Variants in MTA3 observed in about 807,000 individuals in gnomAD.
MTA3 encodes the protein metastasis associated 1 family member 3.
MTA3 carries 34 observed loss-of-function variants against 83.5 expected under a neutral mutation model. That is an observed-to-expected ratio of 0.41 (90% CI 0.31 to 0.54). The LOEUF is 0.54. Ranked by LOEUF, MTA3 falls within the 20% of genes least tolerant of loss-of-function variation. MTA3 has a pLI of 0.33. For missense variants in MTA3, 761 were observed against 726.4 expected, an observed-to-expected ratio of 1.05 and a Z score of -0.55; for synonymous variants, 303 against 252.7, an observed-to-expected ratio of 1.20 and a Z score of -1.89.
chr2:42,732,902 C>T (rs906672655), intron 16 of MTA3, among the ~76,000 whole-genome samples: 10 of 152,198 alleles, frequency 6.6e-5, no homozygotes, highest in Admixed American at 2.0e-4. Flanking sequence ...TTCCCGAGTT[C>T]CTCATCCCCA....
At chr2:42,739,247 C>T (rs2104578784) in intron 16 of MTA3, among the ~76,000 whole-genome samples, 1 of 152,246 alleles carries the variant, frequency 6.6e-6, no homozygotes, top group South Asian at 2.1e-4. Flanking sequence ...CTTTATTTCT[C>T]AAGCCAGCCG....
At position 42,719,000 on chromosome 2, in the gene MTA3, A is replaced by G. The variant is rs1220822112; in HGVS notation, c.1538A>G (p.His513Arg). The change falls in exon 15 of 17, where the codon CAT becomes CGT. Residue 513 changes from histidine (H) to arginine (R), a missense_variant. By Grantham distance (29) the His-to-Arg change is conservative. Transcript: ENST00000405094. The stretch of plus-strand genomic sequence containing the variant: ...TTTCTCTCCTCAGATGCAGACAGAC[A>G]TGCTGAACTATCTGGAAGTCCACTG... ...AAIRAEYADRHAELSGSPLKS... is the reference protein window; with the variant it reads ...AAIRAEYADRRAELSGSPLKS... 1 of 1,550,216 alleles carries G rather than the reference A, an allele frequency of 6.5e-7. No individual in the cohort carries two copies. Among genetic ancestry groups the G allele is most frequent in the Non-Finnish European group, 8.7e-7 (1 of 1,146,698 alleles).
At chr2:42,516,858 C>T (rs1384374086) in intron 2 of MTA3, among the ~76,000 whole-genome samples, 2 of 152,184 alleles carry the variant, frequency 1.3e-5, no homozygotes, top group Non-Finnish European at 2.9e-5. Flanking sequence ...GCTGTGGCTG[C>T]TCATGCCTGT....
At chr2:42,716,937 C>A (rs1667069956) in intron 14 of MTA3, among the ~76,000 whole-genome samples, 1 of 152,068 alleles carries the variant, frequency 6.6e-6, no homozygotes, top group African/African-American at 2.4e-5. Context: ...ATTTGTATTC[C>A]CATCAACCGT....
intron 16 of MTA3, among the ~76,000 whole-genome samples, chr2:42,749,769 C>G (rs1406465915): frequency 6.6e-6 from 1 of 151,886 alleles, no homozygotes; most frequent in East Asian, 1.9e-4. Context: ...CACCTGGCCT[C>G]AAACAGTTGT....
At chr2:42,609,355 A>T in intron 3 of MTA3, 103 bp from the exon 4 acceptor site, 2 of 1,230,198 alleles carry the variant, frequency 1.6e-6, no homozygotes, top group Non-Finnish European at 2.3e-6. Flanking sequence ...AAAATTGATT[A>T]GTTTGAAGAA....
chr2:42,722,566 A>G (rs1357168646), intron 15 of MTA3, among the ~76,000 whole-genome samples: 2 of 152,178 alleles, frequency 1.3e-5, no homozygotes, highest in African/African-American at 4.8e-5. Flanking sequence ...GATGTCTAAT[A>G]TCTTGAGGAG....
At chr2:42,689,822 G>T (rs1573629974) in intron 9 of MTA3, among the ~76,000 whole-genome samples, 2 of 96,176 alleles carry the variant, frequency 2.1e-5, no homozygotes, top group Non-Finnish European at 1.9e-5. Context: ...GAGTTTATCA[G>T]TGTTGTTGAA....
chr2:42,606,984 A>T (rs907528980), intron 3 of MTA3, among the ~76,000 whole-genome samples: 1 of 149,738 alleles, frequency 6.7e-6, no homozygotes, highest in Admixed American at 6.7e-5. Context: ...CAGGAGAATC[A>T]GGCAGGGAGG....
In MTA3 at chr2:42,709,286, A is replaced by AG; in HGVS notation, c.1525+190_1525+191insG. 2.1e-6 allele frequency: 3 copies of AG among 1,420,608 alleles called. No individual in the cohort carries two copies. The South Asian group carries it at 4.7e-5, about 22-fold the overall frequency. 88.0% of individuals were successfully genotyped at this position (1,420,608 alleles called of 1,614,324 possible). On this transcript the variant is annotated intron_variant, in intron 14 of 16. Coordinates refer to ENST00000405094, the MANE Select transcript of MTA3 (RefSeq NM_001330442.2). ...TTGTATCATGCCAACCTGGAAAAAA[A>AG]AAATCAAAACATTGAAACTTCTGTA...
intron 16 of MTA3, among the ~76,000 whole-genome samples, chr2:42,729,096 T>TTTTTG (rs1558626037): frequency 1.7e-5 from 2 of 120,542 alleles, no homozygotes; most frequent in South Asian, 3.0e-4. Context: ...GTTTTTTTTT[T>TTTTTG]TTTTTTTTTT....
chr2:42,495,881 G>A (rs1207827075), intron 2 of MTA3, among the ~76,000 whole-genome samples: 2 of 152,158 alleles, frequency 1.3e-5, no homozygotes, highest in Non-Finnish European at 2.9e-5. Context: ...TCTGAGAAAC[G>A]CTGAGACCAA....
intron 3 of MTA3, among the ~76,000 whole-genome samples, chr2:42,594,652 AAAT>A (rs1468136398): frequency 0.016 from 928 of 58,814 alleles, 14 homozygotes; most frequent in African/African-American, 0.069. Context: ...ATATATATAT[AAAT>A]ATATATATAC....
intron 2 of MTA3, among the ~76,000 whole-genome samples, chr2:42,533,748 C>G (rs1489691021): frequency 6.7e-6 from 1 of 149,258 alleles, no homozygotes. Context: ...AGGAGAATCG[C>G]TTGAACCCAA....
At chr2:42,676,346 C>A (rs1691349648) in intron 8 of MTA3, among the ~76,000 whole-genome samples, 1 of 152,218 alleles carries the variant, frequency 6.6e-6, no homozygotes, top group Non-Finnish European at 1.5e-5. Context: ...ATAAGAAAAG[C>A]AGTTTCACTC....
chr2:42,587,784 T>TAGAG (rs1355891869), intron 3 of MTA3, among the ~76,000 whole-genome samples: 1 of 152,074 alleles, frequency 6.6e-6, no homozygotes, highest in East Asian at 1.9e-4. Context: ...GCATTTTTTG[T>TAGAG]AGAGATGGGT....
chr2:42,660,792 G>A (rs1413144462), intron 8 of MTA3, among the ~76,000 whole-genome samples: 1 of 152,150 alleles, frequency 6.6e-6, no homozygotes, highest in Non-Finnish European at 1.5e-5. Context: ...AATTTGACAT[G>A]CTTTTCATAA....
intron 6 of MTA3, among the ~76,000 whole-genome samples, chr2:42,650,937 C>A (rs1044713310): frequency 2.0e-5 from 3 of 152,104 alleles, no homozygotes; most frequent in African/African-American, 7.2e-5. Context: ...TAAATGTGTC[C>A]TTAGGTGATT....
intron 2 of MTA3, among the ~76,000 whole-genome samples, chr2:42,498,865 G>T (rs1405265837): frequency 6.6e-6 from 1 of 152,278 alleles, no homozygotes. Flanking sequence ...TGCCAGCCAA[G>T]CCCTGAGCCC....
Sources: allele counts gnomAD v4.1 joint callset (sites outside exome capture counted in the v4.1 genomes callset), GRCh38; gene constraint gnomAD v4.1.1; transcripts MANE v1.5; gene names NCBI Gene and HGNC (gene_info 2026-07-23, HGNC 2026-07-21).